Variants in ZNF248 observed in about 807,000 individuals in gnomAD.
ZNF248 encodes zinc finger protein 248.
ZNF248 carries 20 observed loss-of-function variants against 44.3 expected under a neutral mutation model. The ratio of observed to expected loss-of-function variants is 0.45; its 90% confidence interval spans 0.32 to 0.66. The LOEUF is 0.66. Among genes scored for constraint, ZNF248 ranks in the 30% least tolerant of loss-of-function variants. ZNF248 has a pLI of 0.04. For missense variants in ZNF248, 654 were observed against 677.0 expected, an observed-to-expected ratio of 0.97 and a Z score of 0.38; for synonymous variants, 224 against 229.0, an observed-to-expected ratio of 0.98 and a Z score of 0.20.
chr10:37,812,023 C>T (rs1288845459), intron 6 of ZNF248, among the ~76,000 whole-genome samples: 2 of 151,864 alleles, frequency 1.3e-5, no homozygotes, highest in Non-Finnish European at 2.9e-5. Flanking sequence ...ATTGCTTGAG[C>T]CCAGGAGTTC....
At chr10:37,781,386 G>A (rs987607329) in intron 6 of ZNF248, among the ~76,000 whole-genome samples, 5 of 152,290 alleles carry the variant, frequency 3.3e-5, no homozygotes, top group Non-Finnish European at 5.9e-5. Flanking sequence ...CCATCTTGTT[G>A]GCTGTTACCC....
At chr10:37,787,107 G>C (rs2047970524) in intron 6 of ZNF248, among the ~76,000 whole-genome samples, 4 of 151,910 alleles carry the variant, frequency 2.6e-5, no homozygotes, top group Admixed American at 2.6e-4. Context: ...GTGAAACCTT[G>C]TCTCTACTAA....
At chr10:37,760,512 T>G in the ZNF248 span, among the ~76,000 whole-genome samples, 1 of 152,122 alleles carries the variant, frequency 6.6e-6, no homozygotes, top group Non-Finnish European at 1.5e-5. Flanking sequence ...CATGAGCCAC[T>G]GTGCCTGGCC....
At chr10:37,820,468 C>T in intron 6 of ZNF248, 1 of 1,593,488 alleles carries the variant, frequency 6.3e-7, no homozygotes. Context: ...CACAGAGGGG[C>T]TGTTCTACTT....
In ZNF248 at chr10:37,832,038, C is replaced by T; in HGVS notation, c.1317G>A (p.Lys439=). The change falls in exon 6 of 6, where the codon AAG becomes AAA. Residue 439 remains lysine (K), a synonymous_variant. Transcript: ENST00000395867. ...TCACACAGAATGTTTTTCCACATTG[C>T]TTACATTCATAGGGTTTTTCTCCTG... ...THTGEKPYEC[K]QCGKTFCVKS... The T allele has an allele frequency of 6.2e-7, 1 of 1,613,538 alleles. No individual in the cohort carries two copies. The highest frequency in any genetic ancestry group is 8.5e-7 in the Non-Finnish European group (1 of 1,179,814).
Position 37,832,682 on chromosome 10 carries a change from C to G in ZNF248, c.673G>C (p.Asp225His), listed in dbSNP as rs373486234. Residue 225 changes from aspartate to histidine, a missense_variant, in exon 6 of 6, where the codon GAT (aspartate) becomes CAT (histidine). Physicochemically the swap from Asp to His is moderately conservative, Grantham distance 81. Transcript: ENST00000395867. ...EYSKNGQGFHDEAAFFTNKRS... is the reference protein window; with the variant it reads ...EYSKNGQGFHHEAAFFTNKRS... ...TTATTTGTAAAAAATGCTGCCTCAT[C>G]ATGGAAGCCTTGTCCATTTTTACTA... is the stretch of plus-strand genomic sequence containing the variant. 9 of 1,613,362 alleles carry G rather than the reference C, an allele frequency of 5.6e-6. No homozygotes were observed. Among genetic ancestry groups the G allele is most frequent in the South Asian group, 1.1e-5 (1 of 91,084 alleles).
intron 6 of ZNF248, among the ~76,000 whole-genome samples, chr10:37,817,453 C>T (rs1207940709): frequency 6.6e-6 from 1 of 151,918 alleles, no homozygotes; most frequent in Non-Finnish European, 1.5e-5. Context: ...AGTTGAAAAC[C>T]TAGAGAGACT....
At chr10:37,772,581 A>C, downstream of ZNF248, among the ~76,000 whole-genome samples, 1 of 152,210 alleles carries the variant, frequency 6.6e-6, no homozygotes, top group Non-Finnish European at 1.5e-5. Flanking sequence ...GGGCTCTGAT[A>C]ATGGCCAAAT....
intron 6 of ZNF248, among the ~76,000 whole-genome samples, chr10:37,794,032 GTTTT>G (rs200667371): frequency 1.3e-5 from 2 of 151,802 alleles, no homozygotes; most frequent in African/African-American, 4.8e-5. Context: ...TATATACAAG[GTTTT>G]TTTTATTGAT....
At chr10:37,770,071 G>A in the ZNF248 span, among the ~76,000 whole-genome samples, 2 of 152,276 alleles carry the variant, frequency 1.3e-5, no homozygotes, top group Middle Eastern at 6.8e-3. Flanking sequence ...TACAAGGGAT[G>A]TGAAGGACCT....
intron 3 of ZNF248, among the ~76,000 whole-genome samples, chr10:37,839,069 A>G (rs2134153286): frequency 6.6e-6 from 1 of 152,306 alleles, no homozygotes; most frequent in East Asian, 1.9e-4. Flanking sequence ...AGCTATAACC[A>G]TAAGTAATAT....
intron 6 of ZNF248, among the ~76,000 whole-genome samples, chr10:37,784,758 A>G (rs911435990): frequency 7.2e-5 from 11 of 152,182 alleles, no homozygotes; most frequent in African/African-American, 2.7e-4. Context: ...TGGCCACTAC[A>G]TGGATGGCAC....
chr10:37,777,206 A>C (rs1200852504), intron 6 of ZNF248, among the ~76,000 whole-genome samples: 1 of 152,156 alleles, frequency 6.6e-6, no homozygotes, highest in Non-Finnish European at 1.5e-5. Context: ...CAAAACAAAA[A>C]AAAGGAACTT....
At chr10:37,780,681 G>A (rs576418798) in intron 6 of ZNF248, among the ~76,000 whole-genome samples, 97 of 152,228 alleles carry the variant, frequency 6.4e-4, no homozygotes, top group Middle Eastern at 6.8e-3. Context: ...GGGCCAAGGC[G>A]CGCACCCCGC....
At chr10:37,770,934 A>T in the ZNF248 span, among the ~76,000 whole-genome samples, 1 of 152,222 alleles carries the variant, frequency 6.6e-6, no homozygotes, top group Non-Finnish European at 1.5e-5. Context: ...AGAAAAAAAC[A>T]AACAACCCCA....
intron 6 of ZNF248, among the ~76,000 whole-genome samples, chr10:37,781,708 C>T (rs2047341365): frequency 6.6e-6 from 1 of 152,180 alleles, no homozygotes. Context: ...GTGATTGAGG[C>T]TTAGGTGACT....
intron 6 of ZNF248, among the ~76,000 whole-genome samples, chr10:37,787,450 C>CT (rs574975523): frequency 9.5e-4 from 144 of 152,158 alleles, no homozygotes; most frequent in African/African-American, 3.3e-3. Flanking sequence ...CTATGTGTCA[C>CT]TGGTCAACTG....
intron 6 of ZNF248, among the ~76,000 whole-genome samples, chr10:37,810,294 G>T (rs1381298190): frequency 2.6e-5 from 4 of 152,156 alleles, no homozygotes; most frequent in African/African-American, 9.7e-5. Flanking sequence ...TATTATAGTA[G>T]AACTGTCTAT....
At chr10:37,808,269 AC>A (rs1028596831) in intron 6 of ZNF248, among the ~76,000 whole-genome samples, 2 of 148,524 alleles carry the variant, frequency 1.3e-5, no homozygotes, top group African/African-American at 4.9e-5. Flanking sequence ...ATGGTATATA[AC>A]CTTTTTTCTT....
Sources: gnomAD v4.1 joint callset for allele counts (sites outside exome capture counted in the v4.1 genomes callset) on GRCh38, gnomAD v4.1.1 for gene constraint, MANE v1.5 for transcripts, NCBI Gene and HGNC (gene_info 2026-07-23, HGNC 2026-07-21) for gene names.